Variants in ARSG observed in about 807,000 individuals in gnomAD.
ARSG encodes the protein arylsulfatase G.
Under a neutral mutation model 50.5 loss-of-function variants are expected in ARSG, and 37 were observed. The ratio of observed to expected loss-of-function variants is 0.73; its 90% CI spans 0.56 to 0.96. ARSG has a LOEUF of 0.96. Among genes scored for constraint, ARSG ranks in the 50% least tolerant of loss-of-function variants. ARSG has a pLI of 0.00. For missense variants in ARSG, 629 were observed against 675.3 expected (o/e 0.93, Z 0.76); for synonymous variants, 225 against 254.6 (o/e 0.88, Z 1.11).
At position 68,347,094 on chromosome 17, in the gene ARSG, C is replaced by T. The variant is rs201647058; in HGVS notation, c.407-31C>T. 1,998 of 1,612,570 alleles carry T rather than the reference C, an allele frequency of 1.2e-3. 2 individuals are homozygous for T. The highest frequency in any genetic ancestry group is 1.4e-3 in the Non-Finnish European group (1,644 of 1,178,700). Reference sequence around the variant, plus strand: ...GGCTGTGGTACCCCTATGGGGATTCCTCTGAAAATCTCTCTTATGTTTTTC... The same window carrying T: ...GGCTGTGGTACCCCTATGGGGATTCTTCTGAAAATCTCTCTTATGTTTTTC... On this transcript the variant is annotated intron_variant, in intron 3 of 11. Coordinates refer to ENST00000621439, the MANE Select transcript of ARSG (RefSeq NM_001267727.2).
chr17:68,300,646 G>C (rs1555761468), intron 1 of ARSG, among the ~76,000 whole-genome samples: 1 of 152,156 alleles, frequency 6.6e-6, no homozygotes, highest in East Asian at 1.9e-4. Context: ...CAGGGCTACT[G>C]GGTTTTTAGA....
At chr17:68,330,891 T>C (rs1437444209) in intron 2 of ARSG, among the ~76,000 whole-genome samples, 1 of 151,764 alleles carries the variant, frequency 6.6e-6, no homozygotes, top group Non-Finnish European at 1.5e-5. Flanking sequence ...GTCTCTGTCT[T>C]AAAATTTTTA....
chr17:68,298,869 C>T (rs2076306315), intron 1 of ARSG, among the ~76,000 whole-genome samples: 1 of 152,030 alleles, frequency 6.6e-6, no homozygotes, highest in Non-Finnish European at 1.5e-5. Context: ...CCTTATCACC[C>T]CTCCAAAGGC....
chr17:68,431,277 C>T, the ARSG span, among the ~76,000 whole-genome samples: 1 of 152,182 alleles, frequency 6.6e-6, no homozygotes, highest in African/African-American at 2.4e-5. Flanking sequence ...TTAACGTTTC[C>T]GTGTCCAGAT....
intron 1 of ARSG, among the ~76,000 whole-genome samples, chr17:68,300,434 C>T (rs1555761335): frequency 1.3e-5 from 2 of 152,166 alleles, no homozygotes; most frequent in Admixed American, 6.5e-5. Flanking sequence ...TAAGTAAATA[C>T]AGCTTTGTAA....
rs1599906914 is a variant in ARSG at position 68,367,967 on chromosome 17, G to C, written c.705-581G>C. ...CACCTGTAATTCCAGCTACTCAGGA[G>C]GCTGAGGCGGGAGTATCGCTTGAAC... On this transcript the variant is annotated intron_variant, in intron 6 of 11. Coordinates refer to ENST00000621439, the MANE Select transcript of ARSG (RefSeq NM_001267727.2). The surrounding 1 kb of genome is among the most constrained non-coding windows in gnomAD (Gnocchi z 4.5). Among the ~76,000 whole-genome samples, 1 of 152,160 alleles carries C rather than the reference G, an allele frequency of 6.6e-6. No individual in the cohort carries two copies. Among genetic ancestry groups the C allele is most frequent in the Non-Finnish European group, 1.5e-5 (1 of 68,030 alleles).
chr17:68,295,671 ATTTTTTTTTTTTTTT>A (rs56840354), intron 1 of ARSG, among the ~76,000 whole-genome samples: 2 of 114,540 alleles, frequency 1.7e-5, no homozygotes, highest in African/African-American at 8.3e-5. Flanking sequence ...TCTAAGACAA[ATTTTTTTTTTTTTTT>A]TTTTTTTTTT....
the ARSG span, chr17:68,428,480 G>A: frequency 8.7e-5 from 18 of 206,640 alleles, no homozygotes; most frequent in South Asian, 6.1e-4. Context: ...CCATCCACCC[G>A]CTTCGGCCTC....
the ARSG span, among the ~76,000 whole-genome samples, chr17:68,437,562 A>C: frequency 2.6e-5 from 4 of 152,024 alleles, no homozygotes; most frequent in Non-Finnish European, 4.4e-5. Flanking sequence ...AAGAAAAAAA[A>C]AAAAAGAAAC....
intron 11 of ARSG, among the ~76,000 whole-genome samples, chr17:68,402,490 G>A (rs1336210745): frequency 1.3e-5 from 2 of 151,350 alleles, no homozygotes; most frequent in East Asian, 1.9e-4. Context: ...TGATCCGCCC[G>A]CCTTTCAGCC....
intron 2 of ARSG, among the ~76,000 whole-genome samples, chr17:68,324,366 G>A (rs1280944392): frequency 6.6e-6 from 1 of 152,106 alleles, no homozygotes; most frequent in Non-Finnish European, 1.5e-5. Flanking sequence ...CAGGCTCTCG[G>A]GGCTGGCACC....
At chr17:68,387,165 G>T (rs966034158) in intron 9 of ARSG, among the ~76,000 whole-genome samples, 1 of 151,500 alleles carries the variant, frequency 6.6e-6, no homozygotes, top group Non-Finnish European at 1.5e-5. Flanking sequence ...GCATCACTCT[G>T]TTGCCCAGAC....
downstream of ARSG, chr17:68,422,142 T>C (rs2082826380): frequency 3.7e-6 from 1 of 269,896 alleles, no homozygotes; most frequent in East Asian, 7.1e-5. Flanking sequence ...AAAAAGTCAG[T>C]TTAGGCTGGG....
At chr17:68,291,009 C>T (rs1428126845), upstream of ARSG, 1 of 152,132 alleles carries the variant, frequency 6.6e-6, no homozygotes, top group Non-Finnish European at 1.5e-5. Flanking sequence ...AAAAAAGGCC[C>T]CAACACATAT....
chr17:68,401,429 T>C lies in ARSG; in HGVS notation c.1282T>C (p.Tyr428His), dbSNP rs778991309. 5 of 1,614,032 alleles carry C rather than the reference T, an allele frequency of 3.1e-6. No homozygotes were observed. Among genetic ancestry groups the C allele is most frequent in the Admixed American group, 1.7e-5 (1 of 60,026 alleles). The change falls in exon 11 of 12, where the codon TAC becomes CAC. Residue 428 changes from tyrosine (Y) to histidine (H), a missense_variant. By Grantham distance (83) the Tyr-to-His change is moderately conservative. Coordinates refer to ENST00000621439, the MANE Select transcript of ARSG (RefSeq NM_001267727.2). ...CCTGCAGACTGTCCGCCTGGAGCGT[T>C]ACAAGGCCTTCTACATTACCGGTGA... Reference protein sequence around the residue: ...GALQTVRLERYKAFYITGGAR... With the variant: ...GALQTVRLERHKAFYITGGAR...
At chr17:68,450,214 AC>A in the ARSG span, among the ~76,000 whole-genome samples, 1 of 152,170 alleles carries the variant, frequency 6.6e-6, no homozygotes, top group Non-Finnish European at 1.5e-5. Flanking sequence ...AAAAATGAGA[AC>A]CCAAGGCTGA....
intron 2 of ARSG, among the ~76,000 whole-genome samples, chr17:68,334,304 C>T (rs2077915440): frequency 6.6e-6 from 1 of 152,140 alleles, no homozygotes; most frequent in African/African-American, 2.4e-5. Flanking sequence ...GGAATGAACC[C>T]ATCTTCTGGG....
chr17:68,326,107 G>C (rs1555772303), intron 2 of ARSG, among the ~76,000 whole-genome samples: 2 of 152,206 alleles, frequency 1.3e-5, no homozygotes, highest in African/African-American at 4.8e-5. Context: ...TGCTCTTGTG[G>C]AACTCTAACC....
chr17:68,295,073 T>A (rs1345062360), intron 1 of ARSG, among the ~76,000 whole-genome samples: 1 of 152,130 alleles, frequency 6.6e-6, no homozygotes, highest in East Asian at 1.9e-4. Flanking sequence ...ATGGTCAGGT[T>A]CCCTAACTCT....
Sources: gnomAD v4.1 joint callset for allele counts (sites outside exome capture counted in the v4.1 genomes callset) on GRCh38, gnomAD v4.1.1 for gene constraint, Gnocchi (gnomAD v3.1) non-coding constraint, MANE v1.5 for transcripts, NCBI Gene and HGNC (gene_info 2026-07-23, HGNC 2026-07-21) for gene names.